SCAPER: variants seen among roughly 807,000 people sequenced by gnomAD.
SCAPER encodes the protein S-phase cyclin A associated protein in the ER, also known as S phase cyclin A-associated protein in the endoplasmic reticulum.
SCAPER carries 98 observed loss-of-function variants against 182.2 expected under a neutral mutation model. That is an observed-to-expected ratio of 0.54 (90% CI 0.46 to 0.64). SCAPER has a LOEUF of 0.64. SCAPER is among the 30% of genes least tolerant of loss of function. The pLI, the probability that SCAPER is intolerant of heterozygous loss-of-function variation, is 0.00. For synonymous variants in SCAPER, 605 were observed against 564.6 expected, an observed-to-expected ratio of 1.07 and a Z score of -1.01; for missense variants, 1,432 against 1,690.0, an observed-to-expected ratio of 0.85 and a Z score of 2.68.
At chr15:76,761,554 A>G (rs1179058141) in intron 14 of SCAPER, among the ~76,000 whole-genome samples, 1 of 152,178 alleles carries the variant, frequency 6.6e-6, no homozygotes, top group Non-Finnish European at 1.5e-5. Flanking sequence ...TTTACCAAAT[A>G]GTTGTTCAAC....
chr15:76,661,049 G>A (rs1446932035), intron 21 of SCAPER, among the ~76,000 whole-genome samples: 2 of 152,238 alleles, frequency 1.3e-5, no homozygotes, highest in East Asian at 3.9e-4. Context: ...GAAATGCAGA[G>A]AATATACCAT....
intron 21 of SCAPER, among the ~76,000 whole-genome samples, chr15:76,637,722 T>TATATATATATA (rs2053720758): frequency 1.3e-5 from 1 of 77,850 alleles, no homozygotes; most frequent in African/African-American, 4.8e-5. Flanking sequence ...ATATATGTGA[T>TATATATATATA]TATATATATA....
chr15:76,830,032 C>T (rs938075636), intron 5 of SCAPER, among the ~76,000 whole-genome samples: 1 of 152,126 alleles, frequency 6.6e-6, no homozygotes, highest in African/African-American at 2.4e-5. Flanking sequence ...GGGAAAGTGA[C>T]ACTTAGGCTG....
At chr15:76,764,312 G>A (rs777911997) in intron 14 of SCAPER, among the ~76,000 whole-genome samples, 7 of 152,236 alleles carry the variant, frequency 4.6e-5, no homozygotes, top group Non-Finnish European at 1.0e-4. Flanking sequence ...AAGCTACAGG[G>A]TGTAGGCAGT....
intron 29 of SCAPER, among the ~76,000 whole-genome samples, chr15:76,370,464 C>T (rs2042094007): frequency 6.6e-6 from 1 of 151,982 alleles, no homozygotes; most frequent in Non-Finnish European, 1.5e-5. Flanking sequence ...ACTACAGCAC[C>T]TGACTGATTT....
intron 24 of SCAPER, among the ~76,000 whole-genome samples, chr15:76,477,619 C>T (rs1220038245): frequency 1.3e-5 from 2 of 152,058 alleles, no homozygotes. Flanking sequence ...ATTTATACCC[C>T]CAGAAAAATA....
At chr15:76,668,121 C>G (rs1480353366) in intron 20 of SCAPER, among the ~76,000 whole-genome samples, 4 of 151,972 alleles carry the variant, frequency 2.6e-5, no homozygotes, top group African/African-American at 9.7e-5. Flanking sequence ...TAAACGGTAC[C>G]ATCATTTGCA....
chr15:76,584,949 TACA>T (rs2048527934), intron 22 of SCAPER, among the ~76,000 whole-genome samples: 1 of 152,160 alleles, frequency 6.6e-6, no homozygotes, highest in Non-Finnish European at 1.5e-5. Flanking sequence ...TTTCAAAGAA[TACA>T]ACAACAAATG....
At chr15:76,695,626 T>C (rs2058616088) in intron 20 of SCAPER, among the ~76,000 whole-genome samples, 1 of 150,570 alleles carries the variant, frequency 6.6e-6, no homozygotes, top group African/African-American at 2.4e-5. Context: ...GAAAAAAAAC[T>C]GTTTAATTAA....
chr15:76,812,577 GA>G (rs959224757), intron 5 of SCAPER, among the ~76,000 whole-genome samples: 2 of 151,316 alleles, frequency 1.3e-5, no homozygotes, highest in Admixed American at 1.3e-4. Flanking sequence ...ACCTTAGGGT[GA>G]AAAAAAGAGA....
intron 17 of SCAPER, among the ~76,000 whole-genome samples, chr15:76,710,063 A>T (rs753776445): frequency 6.6e-5 from 10 of 152,252 alleles, no homozygotes; most frequent in African/African-American, 9.6e-5. Context: ...CACACATAGT[A>T]GTGAAAGATC....
At chr15:76,420,070 T>C (rs942127091) in intron 26 of SCAPER, among the ~76,000 whole-genome samples, 2 of 151,936 alleles carry the variant, frequency 1.3e-5, no homozygotes, top group East Asian at 1.9e-4. Flanking sequence ...GAAAAACAAT[T>C]TGACAAAACT....
At chr15:76,808,399 T>C (rs891553239) in intron 5 of SCAPER, among the ~76,000 whole-genome samples, 3 of 152,132 alleles carry the variant, frequency 2.0e-5, no homozygotes, top group Non-Finnish European at 4.4e-5. Context: ...TGCCCCAATT[T>C]TCACAGCTCC....
intron 23 of SCAPER, among the ~76,000 whole-genome samples, chr15:76,536,048 G>C (rs1488992521): frequency 1.3e-5 from 2 of 152,124 alleles, no homozygotes; most frequent in Non-Finnish European, 2.9e-5. Context: ...AAACCATTCT[G>C]AAAGTATATG....
At chr15:76,692,672 G>C (rs1486345666) in intron 20 of SCAPER, among the ~76,000 whole-genome samples, 2 of 126,028 alleles carry the variant, frequency 1.6e-5, no homozygotes, top group African/African-American at 2.9e-5. Flanking sequence ...CTGGGTGACA[G>C]AGCAAGATTC....
intron 23 of SCAPER, among the ~76,000 whole-genome samples, chr15:76,506,921 AC>A (rs2041632347): frequency 6.6e-6 from 1 of 152,212 alleles, no homozygotes. Flanking sequence ...GTGGGAAATA[AC>A]ATTTCCAAGT....
intron 5 of SCAPER, among the ~76,000 whole-genome samples, chr15:76,823,593 C>T (rs1279113575): frequency 6.6e-6 from 1 of 151,676 alleles, no homozygotes; most frequent in East Asian, 1.9e-4. Context: ...AAATTATTCA[C>T]AAATGAAATA....
chr15:76,801,337 CTATT>C (rs559654320), intron 6 of SCAPER, among the ~76,000 whole-genome samples: 2 of 152,224 alleles, frequency 1.3e-5, no homozygotes, highest in South Asian at 2.1e-4. Flanking sequence ...TGTTCTCTTC[CTATT>C]TAATCAGTGT....
intron 21 of SCAPER, among the ~76,000 whole-genome samples, chr15:76,641,960 T>G (rs1247502894): frequency 6.6e-6 from 1 of 152,192 alleles, no homozygotes; most frequent in African/African-American, 2.4e-5. Flanking sequence ...ATTCTACCAA[T>G]TAATAGCTAT....
Sources: gnomAD v4.1 joint callset for allele counts (sites outside exome capture counted in the v4.1 genomes callset) on GRCh38, gnomAD v4.1.1 for gene constraint, MANE v1.5 for transcripts, NCBI Gene and HGNC (gene_info 2026-07-23, HGNC 2026-07-21) for gene names.